Variants in DGKB observed in about 807,000 individuals in gnomAD.
The protein encoded by DGKB is 90 kDa diacylglycerol kinase.
A neutral mutation model predicts 114.3 loss-of-function variants in DGKB; 67 were observed. That is an observed-to-expected ratio of 0.59 (90% CI 0.48 to 0.72). DGKB has a LOEUF of 0.72. DGKB is among the 30% of genes least tolerant of loss of function. DGKB has a pLI of 0.00. For missense variants in DGKB, 907 were observed against 975.2 expected (o/e 0.93, Z 0.93); for synonymous variants, 398 against 323.1 (o/e 1.23, Z -2.49).
chr7:14,479,591 G>T (rs1782691301), intron 20 of DGKB, among the ~76,000 whole-genome samples: 1 of 152,046 alleles, frequency 6.6e-6, no homozygotes, highest in Non-Finnish European at 1.5e-5. Context: ...TGGTTTGCTA[G>T]GAAGTACAAA....
intron 23 of DGKB, among the ~76,000 whole-genome samples, chr7:14,224,311 C>T (rs1790444490): frequency 6.6e-6 from 1 of 151,868 alleles, no homozygotes. Context: ...TATTTTTCAA[C>T]CCTTGAATTT....
At chr7:14,595,634 A>C (rs1357124857) in intron 17 of DGKB, among the ~76,000 whole-genome samples, 1 of 151,188 alleles carries the variant, frequency 6.6e-6, no homozygotes, top group Non-Finnish European at 1.5e-5. Context: ...ATCTATAATA[A>C]AAAATCACAT....
chr7:14,865,452 C>T (rs1196016280), intron 1 of DGKB, among the ~76,000 whole-genome samples: 4 of 152,162 alleles, frequency 2.6e-5, no homozygotes, highest in Admixed American at 6.5e-5. Context: ...TATTGGCCAT[C>T]CCAATGTGGA....
In DGKB at chr7:14,392,983, T is replaced by TTTTTTGTTTTTG. The variant is rs1162301504; in HGVS notation, c.1836-47604_1836-47593dup. ...TAACCTGAGGGCCAAAACAGACCTG[T>TTTTTTGTTTTTG]TTTTTGTTTTTGTTTTTTTTTTTTT... On this transcript the variant is annotated intron_variant, in intron 21 of 25. Coordinates refer to ENST00000402815, the MANE Select transcript of DGKB (RefSeq NM_001350709.2). Among the ~76,000 whole-genome samples, 23 of 88,868 alleles carry TTTTTTGTTTTTG rather than the reference T, an allele frequency of 2.6e-4. 4 individuals are homozygous for TTTTTTGTTTTTG. The highest frequency in any genetic ancestry group is 6.8e-4 in the Admixed American group (5 of 7,398). The allele number at this position is 88,868 out of a possible 152,430, so 58.3% of individuals were successfully genotyped here.
intron 23 of DGKB, among the ~76,000 whole-genome samples, chr7:14,185,373 G>C (rs1353222582): frequency 6.6e-6 from 1 of 151,990 alleles, no homozygotes; most frequent in Non-Finnish European, 1.5e-5. Context: ...TAGATGACAT[G>C]AACAAATGGA....
intron 21 of DGKB, among the ~76,000 whole-genome samples, chr7:14,410,731 A>G (rs1332083392): frequency 6.6e-6 from 1 of 152,190 alleles, no homozygotes; most frequent in Non-Finnish European, 1.5e-5. Flanking sequence ...AGCTACATAA[A>G]TATCTTTAAG....
intron 23 of DGKB, among the ~76,000 whole-genome samples, chr7:14,324,515 T>C (rs1403977508): frequency 1.3e-5 from 2 of 149,484 alleles, no homozygotes; most frequent in Non-Finnish European, 1.5e-5. Flanking sequence ...AACCGAACAA[T>C]AGAAAATCAT....
At chr7:14,883,294 C>G (rs2128216526) in intron 1 of DGKB, among the ~76,000 whole-genome samples, 1 of 151,938 alleles carries the variant, frequency 6.6e-6, no homozygotes, top group East Asian at 1.9e-4. Context: ...TTTTAAGGGT[C>G]TATCTTCCCC....
At chr7:14,473,471 C>A (rs1016800845) in intron 21 of DGKB, among the ~76,000 whole-genome samples, 2 of 152,210 alleles carry the variant, frequency 1.3e-5, no homozygotes, top group African/African-American at 4.8e-5. Context: ...CACAGAGAAC[C>A]TCTGCTAGGG....
In DGKB at chr7:14,605,190, T is replaced by C. The variant is rs556974108; in HGVS notation, c.1433+2244A>G. Among the ~76,000 whole-genome samples the C allele has an allele frequency of 5.3e-5, 8 of 152,130 alleles. No individual in the cohort carries two copies. The East Asian group carries it at 1.5e-3, about 29-fold the overall frequency. On this transcript the variant is annotated intron_variant, in intron 17 of 25. Coordinates refer to ENST00000402815, the MANE Select transcript of DGKB (RefSeq NM_001350709.2). ...AGTAATGGGATGGCTCACATGATTA[T>C]GGAATATCATGCAGCAGTTAGAAAA...
chr7:14,301,555 T>C (rs1803542042), intron 23 of DGKB, among the ~76,000 whole-genome samples: 1 of 152,120 alleles, frequency 6.6e-6, no homozygotes, highest in African/African-American at 2.4e-5. Context: ...TTTAAAAAGA[T>C]AGATTAGGGA....
chr7:14,484,428 T>A (rs1045123643), intron 20 of DGKB, among the ~76,000 whole-genome samples: 1 of 152,158 alleles, frequency 6.6e-6, no homozygotes, highest in Admixed American at 6.6e-5. Context: ...TATGAGTGCT[T>A]CAGCACCGTC....
chr7:14,884,088 T>C (rs1854648360), intron 1 of DGKB, among the ~76,000 whole-genome samples: 1 of 151,964 alleles, frequency 6.6e-6, no homozygotes, highest in African/African-American at 2.4e-5. Context: ...GTAGAAAATA[T>C]TTTAGAGTTT....
chr7:14,830,951 ATATC>A (rs1411443575), intron 2 of DGKB, among the ~76,000 whole-genome samples: 1 of 151,768 alleles, frequency 6.6e-6, no homozygotes, highest in African/African-American at 2.4e-5. Flanking sequence ...ATGTGTGTGA[ATATC>A]TGTGTGTTAA....
rs1789020185 is a variant in DGKB at position 14,216,699 on chromosome 7, C to A, written c.2123-38548G>T. On this transcript the variant is annotated intron_variant, in intron 23 of 25. Coordinates refer to ENST00000402815, the MANE Select transcript of DGKB (RefSeq NM_001350709.2). ...CGAGATTGAAACATTACACTCCAAC[C>A]TGGGTGACAGAGCAAGACTCCGTCT... 2.2e-5 allele frequency among the ~76,000 whole-genome samples: 3 copies of A among 135,156 alleles called. No homozygotes were observed. The Admixed American group carries it at 2.6e-4, about 12-fold the overall frequency. The allele number at this position is 135,156 out of a possible 152,430, so 88.7% of individuals were successfully genotyped here.
At chr7:14,838,597 A>G (rs1847481498) in intron 2 of DGKB, among the ~76,000 whole-genome samples, 1 of 151,862 alleles carries the variant, frequency 6.6e-6, no homozygotes, top group Admixed American at 6.6e-5. Flanking sequence ...TCCTCTGTTA[A>G]TTTCAATATT....
intron 4 of DGKB, among the ~76,000 whole-genome samples, chr7:14,741,445 A>ATGAGGAGTACCTTAGGATGGGT (rs1832569609): frequency 6.6e-6 from 1 of 152,190 alleles, no homozygotes; most frequent in African/African-American, 2.4e-5. Context: ...TTAGGATGGG[A>ATGAGGAGTACCTTAGGATGGGT]TAAGGACCTA....
chr7:14,506,277 G>A (rs988984787), intron 20 of DGKB, among the ~76,000 whole-genome samples: 2 of 152,122 alleles, frequency 1.3e-5, no homozygotes, highest in Non-Finnish European at 2.9e-5. Flanking sequence ...ACTCAACAGA[G>A]CAAGCTTAGT....
At chr7:14,910,880 G>C (rs1274048456) in intron 1 of DGKB, among the ~76,000 whole-genome samples, 1 of 151,976 alleles carries the variant, frequency 6.6e-6, no homozygotes. Flanking sequence ...TTGAAATATT[G>C]ATATTTTATA....
Sources: gnomAD v4.1 joint callset for allele counts (sites outside exome capture counted in the v4.1 genomes callset) on GRCh38, gnomAD v4.1.1 for gene constraint, MANE v1.5 for transcripts, NCBI Gene and HGNC (gene_info 2026-07-23, HGNC 2026-07-21) for gene names.